The following PMPCB variants were observed in gnomAD, a reference collection of about 807,000 sequenced individuals.
PMPCB encodes mitochondrial-processing peptidase subunit beta.
In PMPCB, 46 loss-of-function variants were observed where a neutral mutation model predicts 61.5. That is an observed-to-expected ratio of 0.75 (90% CI 0.59 to 0.96). The LOEUF (loss-of-function observed/expected upper bound fraction) is 0.96. PMPCB is among the 40% of genes least tolerant of loss of function. PMPCB has a pLI of 0.00. For missense variants in PMPCB, 590 were observed against 602.4 expected (o/e 0.98, Z 0.22); for synonymous variants, 191 against 201.6 (o/e 0.95, Z 0.44).
chr7:103,341,710 TTGTCTA>T, the PMPCB span: 4 of 1,378,906 alleles, frequency 2.9e-6, no homozygotes, highest in Non-Finnish European at 3.9e-6. Flanking sequence ...CATAAGAAAA[TTGTCTA>T]TGTCTAACAA....
In PMPCB at chr7:103,312,215, A is replaced by G. The variant is rs1352843413; in HGVS notation, c.1414A>G (p.Lys472Glu). The G allele has an allele frequency of 6.2e-7, 1 of 1,613,640 alleles. No individual in the cohort carries two copies. The highest frequency in any genetic ancestry group is 8.5e-7 in the Non-Finnish European group (1 of 1,179,906). ...SPAIAAVGPI[K>E]QLPDFKQIRS... ...TTCTTTTTAATCCTTAGGTCCCATT[A>G]AGCAACTACCAGATTTTAAACAGAT... is the stretch of plus-strand genomic sequence containing the variant. Residue 472 changes from lysine to glutamate, a missense_variant, in exon 13 of 13, where the codon AAG (lysine) becomes GAG (glutamate). Coordinates refer to ENST00000249269, the MANE Select transcript of PMPCB (RefSeq NM_004279.3).
Sources: allele counts gnomAD v4.1 joint callset, GRCh38; gene constraint gnomAD v4.1.1; transcripts MANE v1.5; gene names NCBI Gene and HGNC (gene_info 2026-07-23, HGNC 2026-07-21).